The following SIPA1L1 variants were observed in gnomAD, a reference collection of about 807,000 sequenced individuals.
SIPA1L1 encodes signal-induced proliferation-associated 1-like protein 1.
Under a neutral mutation model 162.7 loss-of-function variants are expected in SIPA1L1, and 26 were observed. The observed-to-expected ratio is 0.16, with a 90% CI of 0.12 to 0.22. The LOEUF is 0.22. Ranked by LOEUF, SIPA1L1 falls within the 10% of genes least tolerant of loss-of-function variation. The pLI, the probability that SIPA1L1 is intolerant of heterozygous loss-of-function variation, is 1.00. For missense variants in SIPA1L1, 1,874 were observed against 2,241.0 expected (o/e 0.84, Z 3.31); for synonymous variants, 829 against 837.4 (o/e 0.99, Z 0.17).
At chr14:71,339,010 G>A (rs2035374577) in intron 2 of SIPA1L1, among the ~76,000 whole-genome samples, 4 of 152,120 alleles carry the variant, frequency 2.6e-5, no homozygotes, top group Admixed American at 2.6e-4. Flanking sequence ...AAAGTGCTGG[G>A]ATTACAGGTG....
chr14:71,571,366 T>C (rs2031974075), intron 4 of SIPA1L1, among the ~76,000 whole-genome samples: 1 of 151,622 alleles, frequency 6.6e-6, no homozygotes, highest in Non-Finnish European at 1.5e-5. Context: ...AGTAATAAAA[T>C]AAAATTTTAC....
intron 2 of SIPA1L1, among the ~76,000 whole-genome samples, chr14:71,373,657 CAAAAA>C (rs34113031): frequency 3.6e-5 from 3 of 83,682 alleles, no homozygotes; most frequent in Non-Finnish European, 7.8e-5. Context: ...ACTCTGTCTC[CAAAAA>C]AAAAAAAAAA....
chr14:71,714,840 C>T (rs1373415163), intron 17 of SIPA1L1, among the ~76,000 whole-genome samples: 3 of 152,196 alleles, frequency 2.0e-5, no homozygotes, highest in African/African-American at 7.2e-5. Context: ...CCTTGGCCTC[C>T]CATAGTGCAG....
At chr14:71,670,464 A>G (rs1374330362) in intron 10 of SIPA1L1, among the ~76,000 whole-genome samples, 1 of 152,238 alleles carries the variant, frequency 6.6e-6, no homozygotes, top group Non-Finnish European at 1.5e-5. Flanking sequence ...CAGTTTAAAA[A>G]TATGATTTTA....
At chr14:71,683,607 A>G (rs535499979) in intron 12 of SIPA1L1, among the ~76,000 whole-genome samples, 1 of 152,364 alleles carries the variant, frequency 6.6e-6, no homozygotes, top group South Asian at 2.1e-4. Flanking sequence ...TATTACCTCT[A>G]TGAACAACCA....
intron 2 of SIPA1L1, among the ~76,000 whole-genome samples, chr14:71,339,317 CT>C (rs1027177854): frequency 6.6e-6 from 1 of 151,634 alleles, no homozygotes; most frequent in Non-Finnish European, 1.5e-5. Context: ...TGTGGTAGGG[CT>C]TAGTACTATG....
chr14:71,334,865 T>C (rs2140326592), intron 2 of SIPA1L1, among the ~76,000 whole-genome samples: 1 of 152,352 alleles, frequency 6.6e-6, no homozygotes, highest in South Asian at 2.1e-4. Context: ...ATCCACCATG[T>C]TGAAAGCATC....
At chr14:71,394,343 CTA>C (rs1450413703) in intron 2 of SIPA1L1, among the ~76,000 whole-genome samples, 1 of 152,196 alleles carries the variant, frequency 6.6e-6, no homozygotes, top group Non-Finnish European at 1.5e-5. Context: ...CTGGAAGCCT[CTA>C]TTACTATTAT....
chr14:71,513,475 T>C (rs1006383580), intron 3 of SIPA1L1, among the ~76,000 whole-genome samples: 8 of 152,026 alleles, frequency 5.3e-5, no homozygotes, highest in African/African-American at 1.9e-4. Flanking sequence ...TGGAAATAGA[T>C]ATTGACCGAT....
At chr14:71,387,899 A>C (rs2040462271) in intron 2 of SIPA1L1, among the ~76,000 whole-genome samples, 1 of 152,212 alleles carries the variant, frequency 6.6e-6, no homozygotes, top group Non-Finnish European at 1.5e-5. Context: ...TTTTGGTATG[A>C]TTCAATTTGT....
At chr14:71,519,138 C>G (rs1293032763) in intron 3 of SIPA1L1, among the ~76,000 whole-genome samples, 2 of 151,752 alleles carry the variant, frequency 1.3e-5, no homozygotes, top group East Asian at 3.9e-4. Flanking sequence ...CTACAAAAAA[C>G]TAGAAATATT....
At chr14:71,345,247 C>T (rs550696451) in intron 2 of SIPA1L1, among the ~76,000 whole-genome samples, 79 of 152,174 alleles carry the variant, frequency 5.2e-4, no homozygotes, top group Middle Eastern at 3.4e-3. Flanking sequence ...GTGTGGGAGA[C>T]GGGTACTATG....
At chr14:71,657,226 T>C (rs1373335665) in intron 8 of SIPA1L1, among the ~76,000 whole-genome samples, 3 of 151,496 alleles carry the variant, frequency 2.0e-5, no homozygotes, top group Non-Finnish European at 2.9e-5. Flanking sequence ...CATGCACTTA[T>C]AGTCCCAGCT....
At chr14:71,692,916 T>C (rs961573379) in intron 13 of SIPA1L1, among the ~76,000 whole-genome samples, 8 of 152,192 alleles carry the variant, frequency 5.3e-5, no homozygotes, top group African/African-American at 1.4e-4. Flanking sequence ...ATTTGCATCC[T>C]GCCTACGCTA....
chr14:71,541,041 T>C (rs890302724), intron 4 of SIPA1L1, among the ~76,000 whole-genome samples: 3 of 152,050 alleles, frequency 2.0e-5, no homozygotes, highest in Admixed American at 1.3e-4. Flanking sequence ...AGCAGGAGAA[T>C]TGCTTGAACT....
chr14:71,670,390 A>G (rs892588150), intron 10 of SIPA1L1, among the ~76,000 whole-genome samples: 1 of 152,206 alleles, frequency 6.6e-6, no homozygotes, highest in Admixed American at 6.5e-5. Context: ...GAATGGGAGA[A>G]GGAAAATATT....
intron 2 of SIPA1L1, among the ~76,000 whole-genome samples, chr14:71,468,977 A>G (rs993726668): frequency 6.6e-6 from 1 of 152,114 alleles, no homozygotes; most frequent in East Asian, 1.9e-4. Context: ...TTATTATACC[A>G]CACTAGAAAA....
chr14:71,644,584 G>A (rs2041998784), intron 7 of SIPA1L1, among the ~76,000 whole-genome samples: 1 of 152,188 alleles, frequency 6.6e-6, no homozygotes, highest in Admixed American at 6.5e-5. Context: ...TCATACAGCA[G>A]TCATTTGGAA....
chr14:71,358,900 A>G (rs758132528), intron 2 of SIPA1L1, among the ~76,000 whole-genome samples: 2 of 152,148 alleles, frequency 1.3e-5, no homozygotes, highest in Non-Finnish European at 2.9e-5. Context: ...CACCAAAGGG[A>G]TGGTGCTAAA....
Sources: allele counts gnomAD v4.1 joint callset (sites outside exome capture counted in the v4.1 genomes callset), GRCh38; gene constraint gnomAD v4.1.1; transcripts MANE v1.5; gene names NCBI Gene and HGNC (gene_info 2026-07-23, HGNC 2026-07-21).